Variants in IFT52 observed in about 807,000 individuals in gnomAD.
The protein encoded by IFT52 is intraflagellar transport protein 52 homolog.
A neutral mutation model predicts 54.4 loss-of-function variants in IFT52; 44 were observed. The ratio of observed to expected loss-of-function variants is 0.81; its 90% CI spans 0.63 to 1.04. The LOEUF is 1.04. IFT52 is among the 50% of genes least tolerant of loss of function. The pLI, the probability that IFT52 is intolerant of heterozygous loss-of-function variation, is 0.00. For synonymous variants in IFT52, 181 were observed against 185.3 expected, an observed-to-expected ratio of 0.98 and a Z score of 0.19; for missense variants, 452 against 523.6, an observed-to-expected ratio of 0.86 and a Z score of 1.33.
intron 10 of IFT52, among the ~76,000 whole-genome samples, chr20:43,630,098 G>A (rs1600503831): frequency 7.0e-6 from 1 of 143,772 alleles, no homozygotes; most frequent in Admixed American, 6.7e-5. Flanking sequence ...ACAGGTAACA[G>A]CCTGGTCACA....
chr20:43,618,638 C>A (rs915294431), intron 7 of IFT52, among the ~76,000 whole-genome samples: 7 of 124,026 alleles, frequency 5.6e-5, no homozygotes, highest in African/African-American at 2.0e-4. Context: ...CATGCCACCA[C>A]ACCTGGCTGA....
intron 10 of IFT52, among the ~76,000 whole-genome samples, chr20:43,628,568 A>G (rs1984918130): frequency 6.6e-6 from 1 of 152,150 alleles, no homozygotes; most frequent in Admixed American, 6.6e-5. Flanking sequence ...AAATTACCAA[A>G]GAAGCCGGAC....
intron 6 of IFT52, among the ~76,000 whole-genome samples, chr20:43,612,074 T>G (rs1983493539): frequency 6.6e-6 from 1 of 152,060 alleles, no homozygotes; most frequent in Non-Finnish European, 1.5e-5. Context: ...GTTTTTATCT[T>G]GCTACTCAAG....
chr20:43,592,035 C>G (rs940866458), intron 1 of IFT52, among the ~76,000 whole-genome samples: 1 of 152,090 alleles, frequency 6.6e-6, no homozygotes, highest in African/African-American at 2.4e-5. Flanking sequence ...GAATTGGGGT[C>G]AGGCAGCTTT....
intron 12 of IFT52, among the ~76,000 whole-genome samples, chr20:43,639,874 C>A (rs1985797304): frequency 6.6e-6 from 1 of 151,860 alleles, no homozygotes; most frequent in South Asian, 2.1e-4. Context: ...ATATTACATA[C>A]CTGTTAAAAG....
At chr20:43,638,519 C>A (rs1335860362) in intron 12 of IFT52, among the ~76,000 whole-genome samples, 1 of 151,998 alleles carries the variant, frequency 6.6e-6, no homozygotes, top group Non-Finnish European at 1.5e-5. Context: ...TTTTAAAATA[C>A]AATAAACTCG....
intron 11 of IFT52, among the ~76,000 whole-genome samples, chr20:43,636,412 T>C (rs763391499): frequency 9.9e-5 from 15 of 152,214 alleles, no homozygotes; most frequent in Non-Finnish European, 1.8e-4. Flanking sequence ...AGGTTATTTT[T>C]CAACATTTCA....
At position 43,635,970 on chromosome 20, in the gene IFT52, T is replaced by C; in HGVS notation, c.968T>C (p.Ile323Thr). 6.2e-7 allele frequency: 1 copy of C among 1,614,210 alleles called. No homozygotes were observed. Among genetic ancestry groups the C allele is most frequent in the Non-Finnish European group, 8.5e-7 (1 of 1,180,032 alleles). The change falls in exon 11 of 14, where the codon ATC becomes ACC. Residue 323 changes from isoleucine (I) to threonine (T), a missense_variant. By Grantham distance (89) the Ile-to-Thr change is moderately conservative (BLOSUM62 -1). Transcript: ENST00000373030. ...GTGAAACATGAACCACTCCAGCTCA[T>C]CCAGCCTCAGTTTGAGACGCCGCTG... is the stretch of plus-strand genomic sequence containing the variant. ...LNVKHEPLQL[I>T]QPQFETPLPT...
At chr20:43,618,811 C>A in intron 7 of IFT52, 129 bp from the exon 8 acceptor site, 1 of 628,686 alleles carries the variant, frequency 1.6e-6, no homozygotes, top group Non-Finnish European at 2.8e-6. Flanking sequence ...ACTTTAAAAT[C>A]TGGGTGTGAA....
chr20:43,633,168 C>T (rs1156941571), intron 10 of IFT52, among the ~76,000 whole-genome samples: 1 of 150,826 alleles, frequency 6.6e-6, no homozygotes, highest in Non-Finnish European at 1.5e-5. Flanking sequence ...ACATAGAGAA[C>T]CCCCGTCTCT....
At chr20:43,623,770 A>G in intron 9 of IFT52, 121 bp from the exon 10 acceptor site, 1 of 1,122,464 alleles carries the variant, frequency 8.9e-7, no homozygotes, top group Non-Finnish European at 1.3e-6. Context: ...GTGATCATGA[A>G]CAGTAAAATT....
At position 43,630,787 on chromosome 20, in the gene IFT52, C is replaced by T. The variant is rs180762126; in HGVS notation, c.924-5139C>T. Among the ~76,000 whole-genome samples the T allele has an allele frequency of 5.9e-5, 9 of 152,338 alleles. No homozygotes were observed. In the East Asian group the frequency reaches 1.2e-3, roughly 20 times the overall value. ...TTCACAGATTTATATTTAGCTTTTG[C>T]ATCTGTTCTTCCCTTGGTTTTAAGA... is the stretch of plus-strand genomic sequence containing the variant. On this transcript the variant is annotated intron_variant, in intron 10 of 13. Coordinates refer to ENST00000373030, the MANE Select transcript of IFT52 (RefSeq NM_016004.5).
chr20:43,598,747 A>G (rs961700344), intron 3 of IFT52, among the ~76,000 whole-genome samples: 1 of 152,192 alleles, frequency 6.6e-6, no homozygotes, highest in Admixed American at 6.6e-5. Flanking sequence ...AATGGTTAAG[A>G]TGGTAAATTT....
In IFT52 at chr20:43,622,772, G is replaced by GTAAATATAAATATATACATATTTTTATA. The variant is rs1568768460; in HGVS notation, c.769-1118_769-1117insAAATATAAATATATACATATTTTTATAT. 4.5e-3 allele frequency among the ~76,000 whole-genome samples: 558 copies of GTAAATATAAATATATACATATTTTTATA among 123,582 alleles called. 16 individuals carry two copies. The highest frequency in any genetic ancestry group is 0.017 in the African/African-American group (526 of 31,024). The allele number at this position is 123,582 out of a possible 152,430, so 81.1% of individuals were successfully genotyped here. ...GTAAATATAAATATATACAAATTGT[G>GTAAATATAAATATATACATATTTTTATA]TGTAAATATAAATATATACATATTT... is the stretch of plus-strand genomic sequence containing the variant. On this transcript the variant is annotated intron_variant, in intron 9 of 13. Coordinates refer to ENST00000373030, the MANE Select transcript of IFT52 (RefSeq NM_016004.5).
chr20:43,603,630 A>T, intron 3 of IFT52, 130 bp from the exon 4 acceptor site: 1 of 778,624 alleles, frequency 1.3e-6, no homozygotes, highest in Non-Finnish European at 2.0e-6. Flanking sequence ...TTTTTATCTT[A>T]TATACATTTA....
chr20:43,605,330 T>TC, intron 6 of IFT52: 1 of 767,300 alleles, frequency 1.3e-6, no homozygotes, highest in Non-Finnish European at 1.8e-6. Flanking sequence ...GTGGCCCACC[T>TC]GAGGTCAGGA....
chr20:43,634,798 C>A (rs371259056), intron 10 of IFT52, among the ~76,000 whole-genome samples: 1 of 152,138 alleles, frequency 6.6e-6, no homozygotes, highest in East Asian at 1.9e-4. Context: ...CTCCTCCCAA[C>A]CTCCAACCTT....
At chr20:43,639,075 A>G (rs1985734848) in intron 12 of IFT52, among the ~76,000 whole-genome samples, 1 of 152,174 alleles carries the variant, frequency 6.6e-6, no homozygotes. Context: ...GTTTCTAGCA[A>G]CTGTCCTATG....
intron 10 of IFT52, among the ~76,000 whole-genome samples, chr20:43,634,015 A>T (rs569931618): frequency 7.6e-4 from 115 of 152,036 alleles, no homozygotes; most frequent in African/African-American, 1.1e-3. Context: ...ATTTTTTTTT[A>T]AAAATTAGCA....
Sources: allele counts gnomAD v4.1 joint callset (sites outside exome capture counted in the v4.1 genomes callset), GRCh38; gene constraint gnomAD v4.1.1; transcripts MANE v1.5; gene names NCBI Gene and HGNC (gene_info 2026-07-23, HGNC 2026-07-21).